The following ZNF573 variants were observed in gnomAD, a reference collection of about 807,000 sequenced individuals.
ZNF573 encodes the protein zinc finger protein 573.
ZNF573 carries 41 observed loss-of-function variants against 57.4 expected under a neutral mutation model. The ratio of observed to expected loss-of-function variants is 0.71; its 90% CI spans 0.56 to 0.93. ZNF573 has a LOEUF of 0.93. Among genes scored for constraint, ZNF573 ranks in the 40% least tolerant of loss-of-function variants. ZNF573 has a pLI of 0.00. For synonymous variants in ZNF573, 249 were observed against 261.0 expected (o/e 0.95, Z 0.44); for missense variants, 730 against 794.8 (o/e 0.92, Z 0.98).
chr19:37,774,416 C>T (rs2045689083), intron 1 of ZNF573, among the ~76,000 whole-genome samples: 1 of 152,102 alleles, frequency 6.6e-6, no homozygotes, highest in Admixed American at 6.6e-5. Context: ...AGTCAGATTA[C>T]AGGCATGTGC....
chr19:37,768,367 C>T (rs2045620613), intron 4 of ZNF573, among the ~76,000 whole-genome samples: 1 of 152,176 alleles, frequency 6.6e-6, no homozygotes. Flanking sequence ...TTCTGGTCTA[C>T]TTTGGTGCTC....
intron 4 of ZNF573, among the ~76,000 whole-genome samples, chr19:37,759,861 C>T (rs2045534753): frequency 6.6e-6 from 1 of 152,188 alleles, no homozygotes; most frequent in African/African-American, 2.4e-5. Flanking sequence ...CGTCTTTGTT[C>T]ATTTTCACTG....
chr19:37,754,406 G>A (rs1333087111), intron 4 of ZNF573, among the ~76,000 whole-genome samples: 3 of 151,684 alleles, frequency 2.0e-5, no homozygotes, highest in Non-Finnish European at 4.4e-5. Flanking sequence ...TATAATCCCA[G>A]CTACTACGGA....
Position 37,740,008 on chromosome 19 carries a change from G to A in ZNF573, c.482C>T (p.Pro161Leu), listed in dbSNP as rs1259379502. The A allele has an allele frequency of 1.9e-6, 3 of 1,613,980 alleles. No individual in the cohort carries two copies. Among genetic ancestry groups the A allele is most frequent in the Non-Finnish European group, 2.5e-6 (3 of 1,179,976 alleles). The change falls in exon 5 of 5, where the codon CCC becomes CTC. Residue 161 changes from proline (P) to leucine (L), a missense_variant. By Grantham distance (98) the Pro-to-Leu change is moderately conservative. Coordinates refer to ENST00000536220, the MANE Select transcript of ZNF573 (RefSeq NM_001172690.2). ...LHHRFHVIER[P>L]YECKECGKNF... ...CTTCCCACACTCTTTGCATTCATAGGGTCTCTCAATGACATGAAACCTGTG... is the reference window on the plus strand; with the variant it reads ...CTTCCCACACTCTTTGCATTCATAGAGTCTCTCAATGACATGAAACCTGTG...
chr19:37,739,052 T>A lies in ZNF573; in HGVS notation c.1438A>T (p.Ser480Cys). The part of the protein sequence containing the change: ...FECQECGKAY[S>C]TGSNLIQHRK... ...TGTTGAATAAGGTTTGAGCCAGTAC[T>A]ATAGGCCTTCCCACATTCCTGACAT... The change falls in exon 5 of 5, where the codon AGT (serine) becomes TGT (cysteine). Residue 480 changes from serine to cysteine, a missense_variant. Coordinates refer to ENST00000536220, the MANE Select transcript of ZNF573 (RefSeq NM_001172690.2). 1 of 1,613,358 alleles carries A rather than the reference T, an allele frequency of 6.2e-7. No homozygotes were observed.
chr19:37,771,271 C>T (rs1173318706), intron 3 of ZNF573, among the ~76,000 whole-genome samples: 1 of 151,476 alleles, frequency 6.6e-6, no homozygotes, highest in African/African-American at 2.4e-5. Context: ...TATTCATGGA[C>T]TAATAATATA....
chr19:37,738,481 T>A lies in ZNF573; in HGVS notation c.*11A>T. 1 of 1,514,816 alleles carries A rather than the reference T, an allele frequency of 6.6e-7. No individual in the cohort carries two copies. The highest frequency in any genetic ancestry group is 8.8e-7 in the Non-Finnish European group (1 of 1,134,048). The allele number at this position is 1,514,816 out of a possible 1,614,324, so 93.8% of individuals were successfully genotyped here. The stretch of plus-strand genomic sequence containing the variant: ...CTGATGATGAATGGCGCGCTCGTAC[T>A]CTTTACGGTCTTACACTTTTATGCT... On this transcript the variant is annotated 3_prime_UTR_variant, in exon 5 of 5. Coordinates refer to ENST00000536220, the MANE Select transcript of ZNF573 (RefSeq NM_001172690.2).
intron 1 of ZNF573, among the ~76,000 whole-genome samples, chr19:37,776,232 C>T (rs973188268): frequency 1.3e-5 from 2 of 152,170 alleles, no homozygotes; most frequent in Non-Finnish European, 2.9e-5. Flanking sequence ...TGACTTCAAA[C>T]TATACTACAA....
At chr19:37,762,026 A>G (rs1342942436) in intron 4 of ZNF573, among the ~76,000 whole-genome samples, 1 of 152,226 alleles carries the variant, frequency 6.6e-6, no homozygotes, top group Non-Finnish European at 1.5e-5. Flanking sequence ...ACAAATTCTT[A>G]TTTCACCAAA....
intron 4 of ZNF573, among the ~76,000 whole-genome samples, chr19:37,768,611 A>G (rs937682306): frequency 4.6e-5 from 7 of 152,106 alleles, no homozygotes; most frequent in African/African-American, 1.7e-4. Flanking sequence ...CTTACTTTCT[A>G]CCATTGCTTA....
Position 37,758,205 on chromosome 19 carries a change from ATATATATATATATATATATATATATATAT to A in ZNF573, c.295+11771_295+11799del, listed in dbSNP as rs2045512223. 8.0e-4 allele frequency among the ~76,000 whole-genome samples: 29 copies of A among 36,058 alleles called. 2 individuals are homozygous for A. The highest frequency in any genetic ancestry group is 2.8e-3 in the Admixed American group (9 of 3,178). The allele number at this position is 36,058 out of a possible 152,430, so 23.7% of individuals were successfully genotyped here. A position where few individuals can be genotyped will look rare whatever the true frequency, so the allele number is the denominator to read the frequency against. On this transcript the variant is annotated intron_variant, in intron 4 of 4. Transcript: ENST00000536220. ...CCTAGAACTTAAAGTATAATAAAATATATATATATATATATATATATATATATATATATATATATATATATATATATATA... is the reference window on the plus strand; with the variant it reads ...CCTAGAACTTAAAGTATAATAAAATAATATATATATATATATATATATATA...
rs1212585336 is a variant in ZNF573 at position 37,739,149 on chromosome 19, A to C, written c.1341T>G (p.Cys447Trp). ...TGMKHFECKE[C>W]KKTFTLYRNL... Reference sequence around the variant, plus strand: ...TTCTATACAAAGTAAAGGTTTTTTTACACTCCTTACATTCAAAGTGTTTCA... The same window carrying C: ...TTCTATACAAAGTAAAGGTTTTTTTCCACTCCTTACATTCAAAGTGTTTCA... Residue 447 changes from cysteine to tryptophan, a missense_variant, in exon 5 of 5, where the codon TGT becomes TGG. Physicochemically the swap from Cys to Trp is radical, Grantham distance 215. Transcript: ENST00000536220. 1 of 1,612,888 alleles carries C rather than the reference A, an allele frequency of 6.2e-7. No individual in the cohort carries two copies. Among genetic ancestry groups the C allele is most frequent in the East Asian group, 2.2e-5 (1 of 44,866 alleles).
In ZNF573 at chr19:37,748,454, C is replaced by T. The variant is rs145101754; in HGVS notation, c.296-8260G>A. 2.1e-4 allele frequency among the ~76,000 whole-genome samples: 32 copies of T among 151,414 alleles called. No homozygotes were observed. In the East Asian group the frequency reaches 3.3e-3, roughly 15 times the overall value. On this transcript the variant is annotated intron_variant, in intron 4 of 4. Coordinates refer to ENST00000536220, the MANE Select transcript of ZNF573 (RefSeq NM_001172690.2). The stretch of plus-strand genomic sequence containing the variant: ...TGGTTGGTGGAGAAAAGAAAACAAA[C>T]AAAAACGATCATTACGCACTACTTC...
Position 37,739,775 on chromosome 19 carries a change from T to C in ZNF573, c.715A>G (p.Ile239Val), listed in dbSNP as rs201420595. Residue 239 changes from isoleucine (I) to valine (V), a missense_variant, in exon 5 of 5, where the codon ATT (isoleucine) becomes GTT (valine). Coordinates refer to ENST00000536220, the MANE Select transcript of ZNF573 (RefSeq NM_001172690.2). ...TCATACGGCTTCCCACCAGTGTGAA[T>C]TCTCTCATGTTGAACAATGTGTGAG... ...YASHIVQHER[I>V]HTGGKPYECQ... 5.0e-6 allele frequency: 8 copies of C among 1,614,130 alleles called. No homozygotes were observed. The highest frequency in any genetic ancestry group is 1.3e-5 in the African/African-American group (1 of 75,024).
chr19:37,752,754 C>T (rs928434243), intron 4 of ZNF573, among the ~76,000 whole-genome samples: 3 of 152,216 alleles, frequency 2.0e-5, no homozygotes, highest in East Asian at 1.9e-4. Context: ...CCCATCTCAG[C>T]CTCTTGAGCA....
chr19:37,752,984 G>A (rs901315079), intron 4 of ZNF573, among the ~76,000 whole-genome samples: 1 of 151,990 alleles, frequency 6.6e-6, no homozygotes, highest in Non-Finnish European at 1.5e-5. Context: ...GCTGGGTGTG[G>A]TAACTCATGT....
Position 37,739,282 on chromosome 19 carries a change from T to C in ZNF573, c.1208A>G (p.Gln403Arg). The C allele has an allele frequency of 6.2e-7, 1 of 1,614,038 alleles. No individual in the cohort carries two copies. Among genetic ancestry groups the C allele is most frequent in the Non-Finnish European group, 8.5e-7 (1 of 1,180,008 alleles). ...CTCGCCAGTATGAGTTTTCTGATGT[T>C]GAAAGAGTTTTGAACCAGTAGTATA... Reference protein sequence around the residue: ...KTYTTGSKLFQHQKTHTGEKP... With the variant: ...KTYTTGSKLFRHQKTHTGEKP... The change falls in exon 5 of 5, where the codon CAA becomes CGA. Residue 403 changes from glutamine (Q) to arginine (R), a missense_variant. Physicochemically the swap from Gln to Arg is conservative, Grantham distance 43. Transcript: ENST00000536220.
chr19:37,742,293 A>G (rs759323431), intron 4 of ZNF573, among the ~76,000 whole-genome samples: 3 of 152,212 alleles, frequency 2.0e-5, no homozygotes, highest in Non-Finnish European at 4.4e-5. Flanking sequence ...TCAAATTACC[A>G]TTGACATTCT....
rs182907010 is a variant in ZNF573, at chr19:37,745,093, A to T, written c.296-4899T>A. On this transcript the variant is annotated intron_variant, in intron 4 of 4. Coordinates refer to ENST00000536220, the MANE Select transcript of ZNF573 (RefSeq NM_001172690.2). ...CACCGTGCCCGGCCAGGAAATACTT[A>T]AAGAAAAAAAATGCTCTGTCACTCA... Among the ~76,000 whole-genome samples, 51 of 147,332 alleles carry T rather than the reference A, an allele frequency of 3.5e-4. No homozygotes were observed. In the East Asian group the frequency reaches 7.8e-3, roughly 23 times the overall value.
Sources: allele counts gnomAD v4.1 joint callset (sites outside exome capture counted in the v4.1 genomes callset), GRCh38; gene constraint gnomAD v4.1.1; transcripts MANE v1.5; gene names NCBI Gene and HGNC (gene_info 2026-07-23, HGNC 2026-07-21).